Variants in SDC3 observed in about 807,000 individuals in gnomAD.
The protein encoded by SDC3 is syndecan 3, also known as syndecan-3.
SDC3 carries 13 observed loss-of-function variants against 24.4 expected under a neutral mutation model. That is an observed-to-expected ratio of 0.53 (90% confidence interval 0.35 to 0.85). The LOEUF (loss-of-function observed/expected upper bound fraction) is 0.85, where lower values mean the gene tolerates loss of function less well. Among genes scored for constraint, SDC3 ranks in the 40% least tolerant of loss-of-function variants. The pLI, the probability that SDC3 is intolerant of heterozygous loss-of-function variation, is 0.01. For synonymous variants in SDC3, 295 were observed against 260.9 expected (o/e 1.13, Z -1.26); for missense variants, 571 against 584.5 (o/e 0.98, Z 0.24).
intron 4 of SDC3, 144 bp downstream of exon 4, chr1:30,874,152 AG>A (rs1639589113): frequency 1.5e-6 from 1 of 648,874 alleles, no homozygotes; most frequent in East Asian, 2.7e-5. Flanking sequence ...TGGGGGGTTG[AG>A]TTCTCAAGTT....
At position 30,908,649 on chromosome 1, in the gene SDC3, C is replaced by G. The variant is rs1638584467; in HGVS notation, c.-63G>C. On this transcript the variant is annotated 5_prime_UTR_variant, in exon 1 of 5. Coordinates refer to ENST00000339394, the MANE Select transcript of SDC3 (RefSeq NM_014654.4). ...GCGCCTTTGTTCCCGAGGCGCGGCG[C>G]GCGGGGCGGCTGCTTGGCGGCGGCG... The G allele has an allele frequency of 1.6e-6, 1 of 615,042 alleles. No homozygotes were observed. The highest frequency in any genetic ancestry group is 2.0e-5 in the African/African-American group (1 of 49,416). The allele number at this position is 615,042 out of a possible 1,614,324, so 38.1% of individuals were successfully genotyped here.
At chr1:30,879,572 T>C (rs2807013) in intron 1 of SDC3, among the ~76,000 whole-genome samples, 99,065 of 151,926 alleles carry the variant, frequency 0.65, 32,843 homozygotes, top group Non-Finnish European at 0.68. Context: ...CCAGCCAACC[T>C]GGAGTCCCTG....
At chr1:30,886,815 T>G (rs182403848) in intron 1 of SDC3, among the ~76,000 whole-genome samples, 1 of 152,184 alleles carries the variant, frequency 6.6e-6, no homozygotes, top group Non-Finnish European at 1.5e-5. Context: ...GTTCCTTATA[T>G]GCACATTGCC....
At chr1:30,908,080 G>A (rs1638564385) in intron 1 of SDC3, among the ~76,000 whole-genome samples, 1 of 152,132 alleles carries the variant, frequency 6.6e-6, no homozygotes, top group African/African-American at 2.4e-5. Flanking sequence ...TCCCCGGGGA[G>A]ACAGTTCCCG....
intron 2 of SDC3, 82 bp downstream of exon 2, chr1:30,878,541 G>T: frequency 8.8e-7 from 1 of 1,133,232 alleles, no homozygotes; most frequent in Non-Finnish European, 1.3e-6. Context: ...ACTGAAGCAA[G>T]CCCCCCGTGG....
intron 2 of SDC3, 149 bp from the exon 3 acceptor site, chr1:30,877,314 AG>A: frequency 9.4e-7 from 1 of 1,064,514 alleles, no homozygotes; most frequent in South Asian, 1.5e-5. Flanking sequence ...GAAAGGAGGA[AG>A]GCACAGCCCA....
In SDC3 at chr1:30,869,775, C is replaced by T; in HGVS notation, c.*3436G>A. 1 of 398,676 alleles carries T rather than the reference C, an allele frequency of 2.5e-6. No homozygotes were observed. Among genetic ancestry groups the T allele is most frequent in the Non-Finnish European group, 4.4e-6 (1 of 226,236 alleles). The allele number at this position is 398,676 out of a possible 1,614,324, so 24.7% of individuals were successfully genotyped here. A position where few individuals can be genotyped will look rare whatever the true frequency, so the allele number is the denominator to read the frequency against. ...GGAGGGAATGGCAGACCCCCACCCACCCCAGGCAGGTTCTGTACAGGAGAA... is the reference window on the plus strand; with the variant it reads ...GGAGGGAATGGCAGACCCCCACCCATCCCAGGCAGGTTCTGTACAGGAGAA... On this transcript the variant is annotated 3_prime_UTR_variant, in exon 5 of 5. Transcript: ENST00000339394.
intron 1 of SDC3, among the ~76,000 whole-genome samples, chr1:30,885,038 A>G (rs1011175522): frequency 2.0e-5 from 3 of 152,210 alleles, no homozygotes; most frequent in Non-Finnish European, 2.9e-5. Flanking sequence ...GAAAATGCAC[A>G]TATTGATCAT....
chr1:30,903,448 C>T (rs538016740), intron 1 of SDC3, among the ~76,000 whole-genome samples: 14 of 152,312 alleles, frequency 9.2e-5, no homozygotes, highest in African/African-American at 1.2e-4. Flanking sequence ...TACACATGCA[C>T]GCACACACAA....
At chr1:30,905,212 A>G (rs1638493395) in intron 1 of SDC3, among the ~76,000 whole-genome samples, 1 of 152,046 alleles carries the variant, frequency 6.6e-6, no homozygotes, top group African/African-American at 2.4e-5. Flanking sequence ...CCTGGAGGGG[A>G]GAAGAGCAGG....
intron 1 of SDC3, among the ~76,000 whole-genome samples, chr1:30,895,937 G>A (rs904832138): frequency 2.0e-5 from 3 of 152,018 alleles, no homozygotes; most frequent in African/African-American, 7.3e-5. Context: ...AGAGGAGAAG[G>A]TCTCCTCAAA....
intron 1 of SDC3, among the ~76,000 whole-genome samples, chr1:30,894,319 G>T (rs968463014): frequency 7.2e-6 from 1 of 139,752 alleles, no homozygotes; most frequent in African/African-American, 2.7e-5. Flanking sequence ...GTGTGCATGA[G>T]TGTGTGGATG....
In SDC3 at chr1:30,869,536, C is replaced by CA. The variant is rs11338317; in HGVS notation, c.*3674dup. 2,352 of 346,680 alleles carry CA rather than the reference C, an allele frequency of 6.8e-3. 14 individuals carry two copies. Among genetic ancestry groups the CA allele is most frequent in the Non-Finnish European group, 8.3e-3 (1,693 of 202,778 alleles). 21.5% of individuals were successfully genotyped at this position (346,680 alleles called of 1,614,324 possible). On this transcript the variant is annotated 3_prime_UTR_variant, in exon 5 of 5. Coordinates refer to ENST00000339394, the MANE Select transcript of SDC3 (RefSeq NM_014654.4). ...AGGAAGTGTTAAAAAAACAAACAAACAAAAAAAAAAAAAAAAAAAAAAAAA... is the reference window on the plus strand; with the variant it reads ...AGGAAGTGTTAAAAAAACAAACAAACAAAAAAAAAAAAAAAAAAAAAAAAAA...
Position 30,869,914 on chromosome 1 carries a change from G to C in SDC3, c.*3297C>G, listed in dbSNP as rs1639503082. The C allele has an allele frequency of 2.5e-6, 1 of 398,518 alleles. No individual in the cohort carries two copies. Among genetic ancestry groups the C allele is most frequent in the East Asian group, 3.6e-5 (1 of 28,088 alleles). The allele number at this position is 398,518 out of a possible 1,614,324, so 24.7% of individuals were successfully genotyped here. On this transcript the variant is annotated 3_prime_UTR_variant, in exon 5 of 5. Transcript: ENST00000339394. ...TGAGGCCAGGGTCACTGTGGTGCCA[G>C]GCAGGCACCTGGGGGATGCTGGGGC...
At position 30,873,235 on chromosome 1, in the gene SDC3, G is replaced by C. The variant is rs1639571826; in HGVS notation, c.1305C>G (p.Asp435Glu). 5.6e-6 allele frequency: 9 copies of C among 1,613,704 alleles called. No individual in the cohort carries two copies. Among genetic ancestry groups the C allele is most frequent in the Non-Finnish European group, 7.6e-6 (9 of 1,179,594 alleles). ...ACTAGGCATAGAACTCCTCCTGCTT[G>C]TCAGGCTTCTGGTATGTGACGCTCG... is the stretch of plus-strand genomic sequence containing the variant. ...KQASVTYQKP[D>E]KQEEFYA Residue 435 changes from aspartate to glutamate, a missense_variant, in exon 5 of 5, where the codon GAC becomes GAG. Coordinates refer to ENST00000339394, the MANE Select transcript of SDC3 (RefSeq NM_014654.4).
chr1:30,890,616 C>T (rs921123348), intron 1 of SDC3, among the ~76,000 whole-genome samples: 1 of 152,280 alleles, frequency 6.6e-6, no homozygotes, highest in Non-Finnish European at 1.5e-5. Context: ...GAATTAAATA[C>T]TTTAGATGGG....
intron 1 of SDC3, among the ~76,000 whole-genome samples, chr1:30,882,392 C>T (rs1639758054): frequency 6.6e-6 from 1 of 152,152 alleles, no homozygotes; most frequent in Non-Finnish European, 1.5e-5. Flanking sequence ...GCACCTCAGG[C>T]TCCCAGCCCA....
At chr1:30,873,871 A>AG (rs1473444666) in intron 4 of SDC3, among the ~76,000 whole-genome samples, 3 of 152,116 alleles carry the variant, frequency 2.0e-5, no homozygotes, top group African/African-American at 7.2e-5. Context: ...GATTTGAACC[A>AG]GGAGTCCACA....
chr1:30,884,553 C>G (rs1639800938), intron 1 of SDC3, among the ~76,000 whole-genome samples: 1 of 152,118 alleles, frequency 6.6e-6, no homozygotes, highest in Non-Finnish European at 1.5e-5. Context: ...CACCATCCCC[C>G]CAGGATGCCC....
Sources: allele counts gnomAD v4.1 joint callset (sites outside exome capture counted in the v4.1 genomes callset), GRCh38; gene constraint gnomAD v4.1.1; transcripts MANE v1.5; gene names NCBI Gene and HGNC (gene_info 2026-07-23, HGNC 2026-07-21).